The following PCDHGA7 variants were observed in gnomAD, a reference collection of about 807,000 sequenced individuals.
The protein encoded by PCDHGA7 is protocadherin gamma-A7.
A neutral mutation model predicts 58.3 loss-of-function variants in PCDHGA7; 44 were observed. The observed-to-expected ratio is 0.75, with a 90% CI of 0.59 to 0.97. PCDHGA7 has a LOEUF of 0.97. Ranked by LOEUF, PCDHGA7 falls within the 50% of genes least tolerant of loss-of-function variation. The probability of loss-of-function intolerance (pLI) is 0.00; values close to 1 mark genes in which losing one functional copy is unlikely to be tolerated. For missense variants in PCDHGA7, 1,266 were observed against 1,188.7 expected (o/e 1.06, Z -0.96); for synonymous variants, 516 against 504.2 (o/e 1.02, Z -0.31).
At chr5:141,444,813 T>A (rs1382814369) in intron 1 of PCDHGA7, among the ~76,000 whole-genome samples, 3 of 152,228 alleles carry the variant, frequency 2.0e-5, no homozygotes, top group African/African-American at 4.8e-5. Flanking sequence ...AATAGCACAC[T>A]GTCTCAATTA....
intron 2 of PCDHGA7, among the ~76,000 whole-genome samples, chr5:141,499,301 TC>T (rs771049830): frequency 6.6e-6 from 1 of 152,166 alleles, no homozygotes; most frequent in Non-Finnish European, 1.5e-5. Context: ...CTACCATCCC[TC>T]CTCTGAGAGA....
chr5:141,417,851 G>T (rs1196210157), intron 1 of PCDHGA7: 1 of 1,543,508 alleles, frequency 6.5e-7, no homozygotes. Flanking sequence ...GCGAGAACCC[G>T]AGCGAACGAT....
chr5:141,451,532 G>T (rs1168984212), intron 1 of PCDHGA7, among the ~76,000 whole-genome samples: 1 of 152,180 alleles, frequency 6.6e-6, no homozygotes, highest in African/African-American at 2.4e-5. Flanking sequence ...AAAGGAGAGT[G>T]CCAGAGAGGG....
chr5:141,398,980 G>A (rs772840804), intron 1 of PCDHGA7: 3 of 1,613,860 alleles, frequency 1.9e-6, no homozygotes, highest in South Asian at 2.2e-5. Flanking sequence ...CTACAGAACC[G>A]GGCAAATCTT....
chr5:141,505,089 G>A (rs1562219081), intron 2 of PCDHGA7, among the ~76,000 whole-genome samples: 1 of 152,208 alleles, frequency 6.6e-6, no homozygotes, highest in Non-Finnish European at 1.5e-5. Context: ...TTGAACCCAG[G>A]AGGTGGATGT....
intron 1 of PCDHGA7, among the ~76,000 whole-genome samples, chr5:141,451,062 T>C (rs1292296274): frequency 1.3e-5 from 2 of 151,500 alleles, no homozygotes; most frequent in Non-Finnish European, 2.9e-5. Flanking sequence ...ACTCCTGACC[T>C]TGTGATCCAC....
At chr5:141,422,617 G>T (rs758903894) in intron 1 of PCDHGA7, 3 of 1,613,524 alleles carry the variant, frequency 1.9e-6, no homozygotes, top group Non-Finnish European at 2.5e-6. Context: ...CTACATTCCC[G>T]AAAACAACCC....
At position 141,476,716 on chromosome 5, in the gene PCDHGA7, C is replaced by G; in HGVS notation, c.2425-18091C>G. The G allele has an allele frequency of 6.2e-7, 1 of 1,614,148 alleles. No individual in the cohort carries two copies. On this transcript the variant is annotated intron_variant, in intron 1 of 3. Transcript: ENST00000518325. The surrounding 1 kb of genome is among the most constrained non-coding windows in gnomAD (Gnocchi z 7.6). The stretch of plus-strand genomic sequence containing the variant: ...AGTACGCGGAGCTGGTGTTGGAGCG[C>G]GCCCTGGACCGAGAACGGGAGCCTA...
intron 1 of PCDHGA7, chr5:141,441,758 C>T: frequency 2.6e-6 from 1 of 382,050 alleles, no homozygotes. Context: ...TCAACGTGAG[C>T]CTGCGCGTGT....
At chr5:141,405,938 G>A (rs1249578216) in intron 1 of PCDHGA7, among the ~76,000 whole-genome samples, 2 of 152,114 alleles carry the variant, frequency 1.3e-5, no homozygotes, top group Non-Finnish European at 2.9e-5. Flanking sequence ...TAACTTTCAT[G>A]TTCTCATAAT....
chr5:141,438,597 T>C (rs1343540280), intron 1 of PCDHGA7, among the ~76,000 whole-genome samples: 20 of 38,918 alleles, frequency 5.1e-4, no homozygotes, highest in African/African-American at 1.6e-3. Flanking sequence ...CATACATATA[T>C]ATATATATAT....
At position 141,476,717 on chromosome 5, in the gene PCDHGA7, G is replaced by A. The variant is rs2099397053; in HGVS notation, c.2425-18090G>A. 6.2e-7 allele frequency: 1 copy of A among 1,614,048 alleles called. No homozygotes were observed. The stretch of plus-strand genomic sequence containing the variant: ...GTACGCGGAGCTGGTGTTGGAGCGC[G>A]CCCTGGACCGAGAACGGGAGCCTAG... On this transcript the variant is annotated intron_variant, in intron 1 of 3. Transcript: ENST00000518325. This position sits in a 1 kb window ranked among gnomAD's most constrained non-coding sequence, Gnocchi z 7.6.
rs942698942 is a variant in PCDHGA7, at chr5:141,383,853, G to C, written c.954G>C (p.Glu318Asp). Residue 318 changes from glutamate to aspartate, a missense_variant, in exon 1 of 4, where the codon GAG (glutamate) becomes GAC (aspartate). Glu to Asp is a conservative substitution (Grantham distance 45). Coordinates refer to ENST00000518325, the MANE Select transcript of PCDHGA7 (RefSeq NM_018920.4). ...AAGAAACTGCCTTCTATGAAATGGA[G>C]GTTCAGGCTCAAGATGGTCCTGGTA... Reference protein sequence around the residue: ...DYEETAFYEMEVQAQDGPGSL... With the variant: ...DYEETAFYEMDVQAQDGPGSL... 1.2e-6 allele frequency: 2 copies of C among 1,613,948 alleles called. No homozygotes were observed. Among genetic ancestry groups the C allele is most frequent in the Middle Eastern group, 3.3e-4 (2 of 6,062 alleles).
chr5:141,478,040 C>G (rs773058963), intron 1 of PCDHGA7: 1 of 1,614,160 alleles, frequency 6.2e-7, no homozygotes, highest in Non-Finnish European at 8.5e-7. Context: ...TTCACCCAGG[C>G]AGACTCTCAC....
chr5:141,465,786 T>G (rs1236517595), intron 1 of PCDHGA7, among the ~76,000 whole-genome samples: 1 of 152,136 alleles, frequency 6.6e-6, no homozygotes, highest in Non-Finnish European at 1.5e-5. Flanking sequence ...ACAGTTTTTT[T>G]TTTTTTAAGA....
At chr5:141,389,765 G>C in intron 1 of PCDHGA7, 1 of 1,612,992 alleles carries the variant, frequency 6.2e-7, no homozygotes, top group Non-Finnish European at 8.5e-7. Context: ...TGCGCACAGC[G>C]CGTGCCTTAG....
chr5:141,405,328 C>T (rs4912606), intron 1 of PCDHGA7: 66,412 of 1,613,986 alleles, frequency 0.041, 1,736 homozygotes, highest in Non-Finnish European at 0.046. Flanking sequence ...AGCCTTTGTG[C>T]GTCTCTGTTG....
At chr5:141,386,849 C>G (rs1259863561) in intron 1 of PCDHGA7, among the ~76,000 whole-genome samples, 1 of 152,200 alleles carries the variant, frequency 6.6e-6, no homozygotes, top group Non-Finnish European at 1.5e-5. Context: ...AATCACTAAA[C>G]TCAGTGAGCT....
At chr5:141,393,624 G>A (rs1190793808) in intron 1 of PCDHGA7, 1 of 1,613,972 alleles carries the variant, frequency 6.2e-7, no homozygotes, top group Non-Finnish European at 8.5e-7. Flanking sequence ...CGACCCGGAT[G>A]AGGGAATCAA....
Sources: allele counts gnomAD v4.1 joint callset (sites outside exome capture counted in the v4.1 genomes callset), GRCh38; gene constraint gnomAD v4.1.1; non-coding constraint Gnocchi (gnomAD v3.1); transcripts MANE v1.5; gene names NCBI Gene and HGNC (gene_info 2026-07-23, HGNC 2026-07-21).